Variants in MSRB3 observed in about 807,000 individuals in gnomAD.
MSRB3 encodes the protein methionine-R-sulfoxide reductase B3.
MSRB3 carries 13 observed loss-of-function variants against 21.0 expected under a neutral mutation model. The ratio of observed to expected loss-of-function variants is 0.62; its 90% confidence interval spans 0.40 to 0.98. The LOEUF (loss-of-function observed/expected upper bound fraction) is 0.98. Among genes scored for constraint, MSRB3 ranks in the 50% least tolerant of loss-of-function variants. The pLI, the probability that MSRB3 is intolerant of heterozygous loss-of-function variation, is 0.00. For missense variants in MSRB3, 199 were observed against 230.3 expected (o/e 0.86, Z 0.88); for synonymous variants, 87 against 88.6 (o/e 0.98, Z 0.10).
At chr12:65,343,573 G>C (rs1323650591) in intron 4 of MSRB3, among the ~76,000 whole-genome samples, 1 of 151,992 alleles carries the variant, frequency 6.6e-6, no homozygotes, top group Non-Finnish European at 1.5e-5. Flanking sequence ...GCCACCATTG[G>C]TTGAGAAATT....
intron 4 of MSRB3, among the ~76,000 whole-genome samples, chr12:65,357,648 T>C (rs567768156): frequency 1.3e-5 from 2 of 152,110 alleles, no homozygotes; most frequent in African/African-American, 4.8e-5. Context: ...TAGTCTTCTC[T>C]TGGCTGTGAC....
intron 5 of MSRB3, among the ~76,000 whole-genome samples, chr12:65,453,519 A>G (rs1882951352): frequency 6.6e-6 from 1 of 152,230 alleles, no homozygotes; most frequent in Admixed American, 6.5e-5. Flanking sequence ...ATGCAACTGT[A>G]ATCTGAATAT....
chr12:65,416,349 A>G (rs1880972205), intron 5 of MSRB3, among the ~76,000 whole-genome samples: 1 of 152,212 alleles, frequency 6.6e-6, no homozygotes, highest in African/African-American at 2.4e-5. Context: ...GAGTCCTGGA[A>G]TTTGAAAAAC....
chr12:65,346,647 C>A (rs1259390668), intron 4 of MSRB3, among the ~76,000 whole-genome samples: 1 of 151,876 alleles, frequency 6.6e-6, no homozygotes, highest in Admixed American at 6.6e-5. Context: ...GTTTTAGACA[C>A]GAAGTCCTTG....
chr12:65,305,056 C>T (rs1873567021), intron 1 of MSRB3: 2 of 151,008 alleles, frequency 1.3e-5, no homozygotes, highest in Admixed American at 1.3e-4. Context: ...TAATCTTCTT[C>T]TTTTTTGTTA....
chr12:65,316,639 T>C (rs981461843), intron 2 of MSRB3, among the ~76,000 whole-genome samples: 1 of 152,174 alleles, frequency 6.6e-6, no homozygotes, highest in East Asian at 1.9e-4. Context: ...TTACAAGTAA[T>C]GTGATCTCTG....
intron 1 of MSRB3, chr12:65,279,069 G>A (rs1871839860): frequency 1.4e-6 from 2 of 1,419,682 alleles, no homozygotes; most frequent in African/African-American, 2.9e-5. Flanking sequence ...CGAACGGAAG[G>A]AGGTCAGGGC....
chr12:65,456,763 C>T (rs10878282), intron 6 of MSRB3, among the ~76,000 whole-genome samples: 55,286 of 152,086 alleles, frequency 0.36, 10,763 homozygotes, highest in Middle Eastern at 0.54. Flanking sequence ...TGAAAATACA[C>T]GCTTTGGAGT....
At chr12:65,355,028 A>T (rs1004403690) in intron 4 of MSRB3, among the ~76,000 whole-genome samples, 3 of 151,842 alleles carry the variant, frequency 2.0e-5, no homozygotes, top group Non-Finnish European at 4.4e-5. Context: ...GATAAACTGA[A>T]AAAAGGTGTA....
At chr12:65,420,564 T>C (rs1263890354) in intron 5 of MSRB3, among the ~76,000 whole-genome samples, 2 of 152,222 alleles carry the variant, frequency 1.3e-5, no homozygotes, top group East Asian at 3.9e-4. Context: ...GTACAGAGTA[T>C]TTTGTCACCC....
intron 3 of MSRB3, 88 bp from the exon 4 acceptor site, chr12:65,328,438 A>G: frequency 1.1e-6 from 1 of 948,468 alleles, no homozygotes; most frequent in East Asian, 2.6e-5. Context: ...CCCTTGAAAG[A>G]TTTATTAGAG....
At chr12:65,337,044 C>A (rs1875809896) in intron 4 of MSRB3, among the ~76,000 whole-genome samples, 1 of 152,076 alleles carries the variant, frequency 6.6e-6, no homozygotes, top group South Asian at 2.1e-4. Context: ...GAGATCAAGA[C>A]CATCCTGGCC....
At chr12:65,431,974 ATTAGGAAATC>A (rs1024669019) in intron 5 of MSRB3, among the ~76,000 whole-genome samples, 1 of 152,080 alleles carries the variant, frequency 6.6e-6, no homozygotes, top group Non-Finnish European at 1.5e-5. Flanking sequence ...GAAGTTGGTT[ATTAGGAAATC>A]TTTCACTGGA....
At chr12:65,416,580 G>A (rs1430382460) in intron 5 of MSRB3, among the ~76,000 whole-genome samples, 1 of 152,182 alleles carries the variant, frequency 6.6e-6, no homozygotes, top group Non-Finnish European at 1.5e-5. Context: ...TCCACAACAT[G>A]TTACCGTACT....
chr12:65,298,697 A>G (rs1045471900), intron 1 of MSRB3, among the ~76,000 whole-genome samples: 1 of 151,942 alleles, frequency 6.6e-6, no homozygotes, highest in African/African-American at 2.4e-5. Flanking sequence ...ATAATTTTCT[A>G]TTTTCTATGG....
intron 6 of MSRB3, among the ~76,000 whole-genome samples, chr12:65,458,512 T>C (rs907403704): frequency 2.0e-5 from 3 of 152,182 alleles, no homozygotes; most frequent in African/African-American, 7.2e-5. Flanking sequence ...TCTAAAAGAA[T>C]TGTTGTGTAG....
chr12:65,279,985 C>T (rs866008179), intron 1 of MSRB3, among the ~76,000 whole-genome samples: 43 of 152,172 alleles, frequency 2.8e-4, no homozygotes, highest in African/African-American at 1.0e-3. Context: ...ATATGGCAAA[C>T]TAGGACTCAT....
At chr12:65,307,385 T>G (rs1297193022) in intron 1 of MSRB3, among the ~76,000 whole-genome samples, 1 of 152,200 alleles carries the variant, frequency 6.6e-6, no homozygotes, top group African/African-American at 2.4e-5. Flanking sequence ...CCAGAGTGAT[T>G]TAGTAAAATA....
chr12:65,463,389 A>G lies in MSRB3; in HGVS notation c.*67A>G. 5 of 1,541,292 alleles carry G rather than the reference A, an allele frequency of 3.2e-6. No individual in the cohort carries two copies. Among genetic ancestry groups the G allele is most frequent in the Non-Finnish European group, 4.4e-6 (5 of 1,133,592 alleles). On this transcript the variant is annotated 3_prime_UTR_variant, in exon 7 of 7. Coordinates refer to ENST00000308259, the MANE Select transcript of MSRB3 (RefSeq NM_001031679.3). ...GCTTATTAAAAAAATCAAAATTGTT[A>G]TCTTAATAGATATATTTTTTCAAAA...
Sources: allele counts gnomAD v4.1 joint callset (sites outside exome capture counted in the v4.1 genomes callset), GRCh38; gene constraint gnomAD v4.1.1; transcripts MANE v1.5; gene names NCBI Gene and HGNC (gene_info 2026-07-23, HGNC 2026-07-21).